The following ZBTB8A variants were observed in gnomAD, a reference collection of about 807,000 sequenced individuals.
ZBTB8A encodes zinc finger and BTB domain containing 8A.
ZBTB8A carries 19 observed loss-of-function variants against 37.8 expected under a neutral mutation model. The observed-to-expected ratio is 0.50, with a 90% CI of 0.35 to 0.74. The LOEUF (loss-of-function observed/expected upper bound fraction) is 0.74, where lower values mean the gene tolerates loss of function less well. ZBTB8A is among the 30% of genes least tolerant of loss of function. The probability of loss-of-function intolerance (pLI) is 0.01; values close to 1 mark genes in which losing one functional copy is unlikely to be tolerated. For synonymous variants in ZBTB8A, 181 were observed against 185.2 expected (o/e 0.98, Z 0.19); for missense variants, 394 against 537.8 (o/e 0.73, Z 2.65).
In ZBTB8A at chr1:32,595,167, C is replaced by T; in HGVS notation, c.937C>T (p.Gln313Ter). The T allele has an allele frequency of 6.2e-7, 1 of 1,614,200 alleles. No individual in the cohort carries two copies. The highest frequency in any genetic ancestry group is 8.5e-7 in the Non-Finnish European group (1 of 1,180,028). ...CHTGERPYPCQACGKRFSRLD... is the reference protein window; with the variant it reads ...CHTGERPYPC ...TACAGGAGAAAGGCCCTATCCATGT[C>T]AAGCTTGTGGAAAAAGATTTAGCAG... Residue 313 changes from glutamine (Q) to a stop codon, truncating the protein, a stop_gained, in exon 4 of 5, where the codon CAA (glutamine) becomes TAA (stop). Coordinates refer to ENST00000373510, the MANE Select transcript of ZBTB8A (RefSeq NM_001040441.3). LOFTEE classifies it high-confidence loss of function.
intron 4 of ZBTB8A, among the ~76,000 whole-genome samples, chr1:32,597,015 T>C (rs1644538269): frequency 6.7e-6 from 1 of 150,036 alleles, no homozygotes; most frequent in South Asian, 2.1e-4. Flanking sequence ...TCTTTTTTCT[T>C]TTTTTTTTTG....
rs58375974 is a variant in ZBTB8A, at chr1:32,573,100, TC to T, written c.-2+19563del. On this transcript the variant is annotated intron_variant, in intron 2 of 4. Transcript: ENST00000373510. ...TTTTTTTTTTTTTTGAGACTGGGTCTCCCTCTGTCACCCAGGCTGGAGTGCA... is the reference window on the plus strand; with the variant it reads ...TTTTTTTTTTTTTTGAGACTGGGTCTCCTCTGTCACCCAGGCTGGAGTGCA... 4.0e-3 allele frequency among the ~76,000 whole-genome samples: 585 copies of T among 146,528 alleles called. 7 individuals are homozygous for T. In the East Asian group the frequency reaches 0.043, roughly 11 times the overall value.
At chr1:32,566,956 A>G (rs180734965) in intron 2 of ZBTB8A, among the ~76,000 whole-genome samples, 271 of 152,332 alleles carry the variant, frequency 1.8e-3, no homozygotes, top group Non-Finnish European at 3.0e-3. Context: ...TTTCTTAGTG[A>G]GATGGGAGCC....
At position 32,596,318 on chromosome 1, in the gene ZBTB8A, C is replaced by T. The variant is rs539776368; in HGVS notation, c.993+1095C>T. Among the ~76,000 whole-genome samples the T allele has an allele frequency of 3.4e-5, 5 of 148,454 alleles. No individual in the cohort carries two copies. In the South Asian group the frequency reaches 6.4e-4, roughly 19 times the overall value. ...CTGGGAGGCGGAGCTTGCAGTGAGC[C>T]GAGATTGCATCACTGCACTCCAGCC... is the stretch of plus-strand genomic sequence containing the variant. On this transcript the variant is annotated intron_variant, in intron 4 of 4. Transcript: ENST00000373510.
chr1:32,555,716 C>G (rs1255934164), intron 2 of ZBTB8A, among the ~76,000 whole-genome samples: 1 of 152,140 alleles, frequency 6.6e-6, no homozygotes, highest in Admixed American at 6.6e-5. Flanking sequence ...ACTCCTCTAT[C>G]TTCAACTCTG....
At chr1:32,560,523 T>C (rs2148224287) in intron 2 of ZBTB8A, among the ~76,000 whole-genome samples, 1 of 152,120 alleles carries the variant, frequency 6.6e-6, no homozygotes, top group African/African-American at 2.4e-5. Flanking sequence ...TTTTTGTTGT[T>C]GTTGTTGTTA....
At chr1:32,551,718 T>A (rs1003997342) in intron 1 of ZBTB8A, among the ~76,000 whole-genome samples, 15 of 151,950 alleles carry the variant, frequency 9.9e-5, no homozygotes, top group Admixed American at 6.6e-5. Flanking sequence ...TAAAAAAAAA[T>A]AAAAAGTTAT....
intron 1 of ZBTB8A, among the ~76,000 whole-genome samples, chr1:32,540,270 A>G (rs1019706791): frequency 2.0e-5 from 3 of 152,062 alleles, no homozygotes; most frequent in African/African-American, 7.2e-5. Context: ...GCGCTTATGT[A>G]TCCCCGATTG....
intron 2 of ZBTB8A, among the ~76,000 whole-genome samples, chr1:32,571,047 T>C (rs1028111069): frequency 1.3e-5 from 2 of 152,136 alleles, no homozygotes; most frequent in South Asian, 2.1e-4. Context: ...GGCTTATTTG[T>C]GTAATTTTAG....
chr1:32,555,599 C>T (rs1365574294), intron 2 of ZBTB8A, among the ~76,000 whole-genome samples: 1 of 152,178 alleles, frequency 6.6e-6, no homozygotes, highest in Admixed American at 6.5e-5. Flanking sequence ...TTTTCCCCAT[C>T]CTGCCGCACA....
At chr1:32,574,897 C>T (rs947324607) in intron 2 of ZBTB8A, among the ~76,000 whole-genome samples, 3 of 152,060 alleles carry the variant, frequency 2.0e-5, no homozygotes, top group Admixed American at 1.3e-4. Flanking sequence ...CACAACTCAG[C>T]CCCATCAGTA....
intron 4 of ZBTB8A, among the ~76,000 whole-genome samples, chr1:32,596,910 C>T (rs1373961304): frequency 2.0e-5 from 3 of 152,152 alleles, no homozygotes; most frequent in Non-Finnish European, 4.4e-5. Flanking sequence ...ACTGTAGATA[C>T]TCAGCATCTA....
At chr1:32,575,693 T>TA (rs551092987) in intron 2 of ZBTB8A, among the ~76,000 whole-genome samples, 4,688 of 139,002 alleles carry the variant, frequency 0.034, 95 homozygotes, top group Non-Finnish European at 0.043. Context: ...TGCAAAAAAT[T>TA]AAAAAAAAAA....
At chr1:32,581,129 A>G (rs1453668950) in intron 2 of ZBTB8A, among the ~76,000 whole-genome samples, 1 of 14,550 alleles carries the variant, frequency 6.9e-5, no homozygotes, top group Non-Finnish European at 1.5e-4. Flanking sequence ...ATATATAACT[A>G]TATTATATAT....
At position 32,600,688 on chromosome 1, in the gene ZBTB8A, T is replaced by C. The variant is rs930716706; in HGVS notation, c.*269T>C. The C allele has an allele frequency of 3.0e-6, 1 of 329,134 alleles. No individual in the cohort carries two copies. Among genetic ancestry groups the C allele is most frequent in the African/African-American group, 2.1e-5 (1 of 47,558 alleles). The allele number at this position is 329,134 out of a possible 1,614,324, so 20.4% of individuals were successfully genotyped here. A position where few individuals can be genotyped will look rare whatever the true frequency, so the allele number is the denominator to read the frequency against. ...TCCTCTTACTTTCATTACAATCCTCTTACTTTATTCCAGAGATACCTTTTT... is the reference window on the plus strand; with the variant it reads ...TCCTCTTACTTTCATTACAATCCTCCTACTTTATTCCAGAGATACCTTTTT... On this transcript the variant is annotated 3_prime_UTR_variant, in exon 5 of 5. Transcript: ENST00000373510.
intron 2 of ZBTB8A, among the ~76,000 whole-genome samples, chr1:32,574,031 G>T (rs1415352743): frequency 1.3e-5 from 2 of 151,672 alleles, no homozygotes; most frequent in East Asian, 3.9e-4. Context: ...AGCTGAGATC[G>T]CACCATTGCA....
chr1:32,594,965 C>G lies in ZBTB8A; in HGVS notation c.824-89C>G, dbSNP rs765580025. On this transcript the variant is annotated intron_variant, in intron 3 of 4. Coordinates refer to ENST00000373510, the MANE Select transcript of ZBTB8A (RefSeq NM_001040441.3). ...TTTTTTAAGTTTATTTTTTTCTTTC[C>G]TTGTTTCCATTGGGCTTGGATTGGA... 5.0e-6 allele frequency: 6 copies of G among 1,192,944 alleles called. 1 individual carries two copies. The Admixed American group carries it at 1.8e-4, about 37-fold the overall frequency. 73.9% of individuals were successfully genotyped at this position (1,192,944 alleles called of 1,614,324 possible). A position where few individuals can be genotyped will look rare whatever the true frequency, so the allele number is the denominator to read the frequency against.
chr1:32,544,374 A>G (rs1396110573), intron 1 of ZBTB8A, among the ~76,000 whole-genome samples: 3 of 152,236 alleles, frequency 2.0e-5, no homozygotes, highest in African/African-American at 4.8e-5. Flanking sequence ...TTGTAAAACA[A>G]TGGTAAGTAT....
chr1:32,544,095 A>C (rs1644081714), intron 1 of ZBTB8A, among the ~76,000 whole-genome samples: 1 of 152,334 alleles, frequency 6.6e-6, no homozygotes, highest in South Asian at 2.1e-4. Flanking sequence ...CAGTCTCCCA[A>C]GTAGCTGGGA....
Sources: gnomAD v4.1 joint callset for allele counts (sites outside exome capture counted in the v4.1 genomes callset) on GRCh38, gnomAD v4.1.1 for gene constraint, MANE v1.5 for transcripts, NCBI Gene and HGNC (gene_info 2026-07-23, HGNC 2026-07-21) for gene names.